CNTNAP5: variants seen among roughly 807,000 people sequenced by gnomAD.
The protein encoded by CNTNAP5 is contactin-associated protein-like 5.
Under a neutral mutation model 150.2 loss-of-function variants are expected in CNTNAP5, and 72 were observed. That is an observed-to-expected ratio of 0.48 (90% CI 0.40 to 0.58). The LOEUF (loss-of-function observed/expected upper bound fraction) is 0.58, where lower values mean the gene tolerates loss of function less well. Ranked by LOEUF, CNTNAP5 falls within the 20% of genes least tolerant of loss-of-function variation. The pLI is 0.00. For synonymous variants in CNTNAP5, 672 were observed against 619.8 expected (o/e 1.08, Z -1.25); for missense variants, 1,636 against 1,626.2 (o/e 1.01, Z -0.10).
At chr2:124,730,818 A>AT (rs1465378569) in intron 13 of CNTNAP5, among the ~76,000 whole-genome samples, 2 of 152,058 alleles carry the variant, frequency 1.3e-5, no homozygotes, top group Non-Finnish European at 2.9e-5. Flanking sequence ...GCCTTATTTT[A>AT]TTTTTTGTTA....
At chr2:124,389,064 T>A (rs1390784130) in intron 3 of CNTNAP5, among the ~76,000 whole-genome samples, 3 of 152,288 alleles carry the variant, frequency 2.0e-5, no homozygotes, top group Non-Finnish European at 2.9e-5. Context: ...TCTCTTTTTT[T>A]AAAAATCTTA....
chr2:124,029,468 A>C (rs1372060446), intron 1 of CNTNAP5, among the ~76,000 whole-genome samples: 1 of 151,964 alleles, frequency 6.6e-6, no homozygotes, highest in Non-Finnish European at 1.5e-5. Flanking sequence ...TTCTCTTCCC[A>C]TAGTCCCCCA....
intron 1 of CNTNAP5, among the ~76,000 whole-genome samples, chr2:124,193,842 G>C (rs2104698539): frequency 6.6e-6 from 1 of 152,246 alleles, no homozygotes; most frequent in East Asian, 1.9e-4. Context: ...TGGAGAGAAA[G>C]AGAGGGTGGA....
intron 1 of CNTNAP5, 83 bp downstream of exon 1, chr2:124,025,815 G>T (rs1680871673): frequency 2.6e-6 from 3 of 1,137,270 alleles, no homozygotes; most frequent in Non-Finnish European, 4.0e-6. Context: ...AAGCGTACTC[G>T]ATTGTGTCTG....
At chr2:124,709,732 T>C (rs1473611686) in intron 13 of CNTNAP5, among the ~76,000 whole-genome samples, 1 of 152,120 alleles carries the variant, frequency 6.6e-6, no homozygotes, top group Non-Finnish European at 1.5e-5. Flanking sequence ...CAAACAAAGA[T>C]AAATCCTCTA....
chr2:124,758,901 C>T (rs530118783), intron 14 of CNTNAP5, among the ~76,000 whole-genome samples: 7 of 152,164 alleles, frequency 4.6e-5, no homozygotes, highest in East Asian at 1.9e-4. Flanking sequence ...ACAGTGGGTT[C>T]GATGGTCTGA....
At chr2:124,772,717 C>A (rs780649408) in intron 16 of CNTNAP5, 82 bp from the exon 17 acceptor site, 5 of 1,008,902 alleles carry the variant, frequency 5.0e-6, no homozygotes, top group Non-Finnish European at 6.3e-6. Context: ...TACTGACTTA[C>A]AATCGTTTCT....
intron 13 of CNTNAP5, among the ~76,000 whole-genome samples, chr2:124,699,864 A>G (rs568736564): frequency 4.2e-4 from 63 of 150,898 alleles, no homozygotes; most frequent in Non-Finnish European, 8.3e-4. Flanking sequence ...TATAATTCAT[A>G]TATCATAAAA....
chr2:124,427,925 C>A (rs1692278707), intron 4 of CNTNAP5, among the ~76,000 whole-genome samples: 1 of 152,170 alleles, frequency 6.6e-6, no homozygotes, highest in Non-Finnish European at 1.5e-5. Context: ...ACACCACTTG[C>A]TGGGTCCCAC....
intron 19 of CNTNAP5, among the ~76,000 whole-genome samples, chr2:124,844,505 G>T (rs571595904): frequency 2.6e-5 from 4 of 151,986 alleles, no homozygotes; most frequent in African/African-American, 9.6e-5. Context: ...GCTATTTTTT[G>T]GTTCCATCTG....
At chr2:124,382,641 A>G (rs1690825128) in intron 3 of CNTNAP5, among the ~76,000 whole-genome samples, 1 of 152,124 alleles carries the variant, frequency 6.6e-6, no homozygotes, top group Non-Finnish European at 1.5e-5. Context: ...TTTATTCTGT[A>G]AAATTGGGAT....
chr2:124,102,285 A>G (rs1275915019), intron 1 of CNTNAP5, among the ~76,000 whole-genome samples: 3 of 152,220 alleles, frequency 2.0e-5, no homozygotes, highest in Non-Finnish European at 4.4e-5. Context: ...ATAGTAAGTA[A>G]ACCTCTAAAT....
At chr2:124,578,799 A>AAATG (rs1345572022) in intron 11 of CNTNAP5, among the ~76,000 whole-genome samples, 1 of 152,050 alleles carries the variant, frequency 6.6e-6, no homozygotes, top group Non-Finnish European at 1.5e-5. Context: ...ATAAATAAAT[A>AAATG]AATAAATAAA....
chr2:124,641,618 T>A (rs1048158736), intron 12 of CNTNAP5, among the ~76,000 whole-genome samples: 1 of 152,196 alleles, frequency 6.6e-6, no homozygotes. Flanking sequence ...AAATTCACTT[T>A]GTCAACATAG....
intron 1 of CNTNAP5, among the ~76,000 whole-genome samples, chr2:124,207,683 A>G (rs996018170): frequency 3.3e-5 from 5 of 152,272 alleles, no homozygotes; most frequent in East Asian, 1.9e-4. Flanking sequence ...GCTTTCCGGT[A>G]TGTCTTTTCT....
intron 1 of CNTNAP5, among the ~76,000 whole-genome samples, chr2:124,091,366 A>T (rs139764968): frequency 2.0e-4 from 30 of 152,266 alleles, no homozygotes; most frequent in Non-Finnish European, 3.8e-4. Context: ...GATTTGGATG[A>T]TGGACAGATG....
chr2:124,197,797 T>A lies in CNTNAP5; in HGVS notation c.83-23908T>A, dbSNP rs559171787. ...GAGATCGAGACCATCCTGGCTAACG[T>A]GGTGAAACCCCGTCTCTACTAAAAA... is the stretch of plus-strand genomic sequence containing the variant. On this transcript the variant is annotated intron_variant, in intron 1 of 23. Coordinates refer to ENST00000682447, the MANE Select transcript of CNTNAP5 (RefSeq NM_001367498.1). 7.8e-3 allele frequency among the ~76,000 whole-genome samples: 1,184 copies of A among 151,952 alleles called. 15 individuals carry two copies. The highest frequency in any genetic ancestry group is 0.026 in the African/African-American group (1,097 of 41,464).
intron 10 of CNTNAP5, among the ~76,000 whole-genome samples, chr2:124,547,839 G>A (rs1695548512): frequency 6.6e-6 from 1 of 152,220 alleles, no homozygotes; most frequent in Non-Finnish European, 1.5e-5. Flanking sequence ...AACTCACAGA[G>A]AAAAGAGATG....
At chr2:124,364,456 C>G (rs116117159) in intron 3 of CNTNAP5, among the ~76,000 whole-genome samples, 6,768 of 152,240 alleles carry the variant, frequency 0.044, 215 homozygotes, top group Non-Finnish European at 0.07. Flanking sequence ...CCAAACCCTT[C>G]TATCACACGA....
Sources: allele counts gnomAD v4.1 joint callset (sites outside exome capture counted in the v4.1 genomes callset), GRCh38; gene constraint gnomAD v4.1.1; transcripts MANE v1.5; gene names NCBI Gene and HGNC (gene_info 2026-07-23, HGNC 2026-07-21).